SYT1: variants seen among roughly 807,000 people sequenced by gnomAD.
The protein encoded by SYT1 is synaptotagmin 1.
SYT1 carries 8 observed loss-of-function variants against 44.8 expected under a neutral mutation model. That is an observed-to-expected ratio of 0.18 (90% CI 0.10 to 0.32). The LOEUF is 0.32. Among genes scored for constraint, SYT1 ranks in the 10% least tolerant of loss-of-function variants. The pLI is 1.00. For synonymous variants in SYT1, 154 were observed against 188.8 expected (o/e 0.82, Z 1.51); for missense variants, 286 against 509.3 (o/e 0.56, Z 4.22).
At chr12:79,327,651 A>C (rs796160694) in intron 8 of SYT1, among the ~76,000 whole-genome samples, 5 of 152,318 alleles carry the variant, frequency 3.3e-5, no homozygotes, top group African/African-American at 1.2e-4. Flanking sequence ...TCTTCAGATC[A>C]TTTCATGCTG....
chr12:78,945,492 ATTTC>A (rs1565730556), intron 1 of SYT1, among the ~76,000 whole-genome samples: 3 of 147,704 alleles, frequency 2.0e-5, no homozygotes, highest in East Asian at 2.0e-4. Context: ...ATATATACAC[ATTTC>A]TTTCTTTCTT....
At chr12:78,885,570 G>A (rs558991360) in intron 1 of SYT1, among the ~76,000 whole-genome samples, 1 of 152,158 alleles carries the variant, frequency 6.6e-6, no homozygotes, top group African/African-American at 2.4e-5. Context: ...CACAGATCTG[G>A]AAGAGGTGAG....
chr12:78,870,817 T>C (rs534986322), intron 1 of SYT1, among the ~76,000 whole-genome samples: 17 of 152,074 alleles, frequency 1.1e-4, no homozygotes, highest in Admixed American at 3.3e-4. Flanking sequence ...GTACTTGGAT[T>C]GACTGATTGC....
chr12:78,879,643 T>A (rs1245741014), intron 1 of SYT1, among the ~76,000 whole-genome samples: 2 of 151,810 alleles, frequency 1.3e-5, no homozygotes, highest in Admixed American at 6.6e-5. Flanking sequence ...CTTAATAAAA[T>A]TTTTAACTCA....
chr12:79,048,432 G>A lies in SYT1; in HGVS notation c.-18+1070G>A, dbSNP rs1424661894. Among the ~76,000 whole-genome samples the A allele has an allele frequency of 2.6e-5, 4 of 151,896 alleles. No individual in the cohort carries two copies. In the East Asian group the frequency reaches 7.7e-4, roughly 29 times the overall value. ...TAATCATCATCACGATGATATAAAT[G>A]AAGTTTATCTGAAATATATTTTATT... On this transcript the variant is annotated intron_variant, in intron 3 of 10. Transcript: ENST00000261205.
intron 4 of SYT1, among the ~76,000 whole-genome samples, chr12:79,246,331 A>AT (rs1402862489): frequency 6.6e-6 from 1 of 151,992 alleles, no homozygotes; most frequent in Non-Finnish European, 1.5e-5. Flanking sequence ...AATTTTACAC[A>AT]TTTTTCATGA....
At position 78,917,605 on chromosome 12, in the gene SYT1, T is replaced by C. The variant is rs1876740437; in HGVS notation, c.-217+52496T>C. Among the ~76,000 whole-genome samples the C allele has an allele frequency of 2.7e-5, 4 of 149,944 alleles. No individual in the cohort carries two copies. The South Asian group carries it at 8.5e-4, about 32-fold the overall frequency. On this transcript the variant is annotated intron_variant, in intron 1 of 10. Transcript: ENST00000261205. ...TGCACATGTACCCTAGAACTTAAAG[T>C]ATAATAAAAAAATTTCAAAAAAAAA...
intron 8 of SYT1, among the ~76,000 whole-genome samples, chr12:79,349,033 A>AAGAAAGAAAGAG (rs1367804411): frequency 3.2e-4 from 39 of 120,260 alleles, no homozygotes; most frequent in African/African-American, 8.8e-4. Context: ...GAAAGAAAGA[A>AAGAAAGAAAGAG]AAAGAAAGAA....
chr12:79,215,739 G>A (rs928120274), intron 3 of SYT1, among the ~76,000 whole-genome samples: 4 of 151,910 alleles, frequency 2.6e-5, no homozygotes, highest in South Asian at 4.2e-4. Context: ...ATAAAAATTC[G>A]TATCTATGTA....
At chr12:79,119,479 G>GT (rs138880594) in intron 3 of SYT1, among the ~76,000 whole-genome samples, 16,654 of 148,014 alleles carry the variant, frequency 0.11, 953 homozygotes, top group Middle Eastern at 0.13. Context: ...CACATAAGGT[G>GT]TTTTTTTTTT....
At chr12:79,282,297 A>C (rs1170049536) in intron 4 of SYT1, among the ~76,000 whole-genome samples, 1 of 152,230 alleles carries the variant, frequency 6.6e-6, no homozygotes, top group African/African-American at 2.4e-5. Context: ...TAATTAAAAC[A>C]TCAGAAGCAG....
intron 4 of SYT1, among the ~76,000 whole-genome samples, chr12:79,247,292 C>T (rs1398871010): frequency 1.3e-5 from 2 of 152,054 alleles, no homozygotes; most frequent in South Asian, 2.1e-4. Context: ...CCGGTACTTT[C>T]GGTTCACTGC....
chr12:79,444,896 T>C (rs1460666836), intron 10 of SYT1, among the ~76,000 whole-genome samples: 4 of 152,146 alleles, frequency 2.6e-5, no homozygotes, highest in Admixed American at 1.3e-4. Context: ...ATTTACATTT[T>C]CTCACCCCAT....
At chr12:79,220,687 A>G (rs1052316182) in intron 4 of SYT1, among the ~76,000 whole-genome samples, 1 of 151,994 alleles carries the variant, frequency 6.6e-6, no homozygotes, top group Admixed American at 6.6e-5. Flanking sequence ...TCAGTGACCC[A>G]TTATTTATTC....
At chr12:79,173,344 G>A (rs773877297) in intron 3 of SYT1, among the ~76,000 whole-genome samples, 4 of 152,040 alleles carry the variant, frequency 2.6e-5, no homozygotes, top group Non-Finnish European at 4.4e-5. Flanking sequence ...AACCCTAAAT[G>A]TCCTGGACTA....
chr12:79,059,147 A>G (rs7135118), intron 3 of SYT1, among the ~76,000 whole-genome samples: 2,111 of 152,056 alleles, frequency 0.014, 50 homozygotes, highest in African/African-American at 0.047. Context: ...TTTTTATAAA[A>G]CCATCAGATC....
At chr12:79,376,507 C>T (rs1324892463) in intron 9 of SYT1, among the ~76,000 whole-genome samples, 1 of 152,110 alleles carries the variant, frequency 6.6e-6, no homozygotes, top group East Asian at 1.9e-4. Context: ...TTGGCTGGCT[C>T]CTTTACTGCA....
At chr12:79,308,628 G>GAA (rs750937721) in intron 8 of SYT1, among the ~76,000 whole-genome samples, 1 of 69,068 alleles carries the variant, frequency 1.4e-5, no homozygotes, top group African/African-American at 1.1e-4. Flanking sequence ...AAGAAAGAAA[G>GAA]AAAGAAAGAA....
intron 3 of SYT1, among the ~76,000 whole-genome samples, chr12:79,121,070 A>G (rs1261791036): frequency 2.0e-5 from 3 of 151,996 alleles, no homozygotes; most frequent in Non-Finnish European, 4.4e-5. Flanking sequence ...TCTATCACCA[A>G]TCACATACAT....
Sources: allele counts gnomAD v4.1 joint callset (sites outside exome capture counted in the v4.1 genomes callset), GRCh38; gene constraint gnomAD v4.1.1; transcripts MANE v1.5; gene names NCBI Gene and HGNC (gene_info 2026-07-23, HGNC 2026-07-21).